Variants in BACH2 observed in about 807,000 individuals in gnomAD.
BACH2 encodes the protein BACH transcriptional regulator 2, also known as transcription regulator protein BACH2.
In BACH2, 5 loss-of-function variants were observed where a neutral mutation model predicts 61.8. The observed-to-expected ratio is 0.08, with a 90% CI of 0.04 to 0.17. The LOEUF is 0.17. Ranked by LOEUF, BACH2 falls within the 10% of genes least tolerant of loss-of-function variation. The probability of loss-of-function intolerance (pLI) is 1.00; values close to 1 mark genes in which losing one functional copy is unlikely to be tolerated. For missense variants in BACH2, 824 were observed against 1,091.1 expected (o/e 0.76, Z 3.45); for synonymous variants, 446 against 440.1 (o/e 1.01, Z -0.17).
chr6:90,013,667 A>G (rs541099461), intron 5 of BACH2, among the ~76,000 whole-genome samples: 12 of 150,824 alleles, frequency 8.0e-5, no homozygotes, highest in African/African-American at 2.7e-4. Flanking sequence ...CCACCATGCC[A>G]GGCTAATTTT....
chr6:90,020,858 T>C (rs1277007421), intron 5 of BACH2, among the ~76,000 whole-genome samples: 1 of 152,136 alleles, frequency 6.6e-6, no homozygotes, highest in Non-Finnish European at 1.5e-5. Context: ...ATGAAATGGT[T>C]TATAGTGAGT....
chr6:90,205,673 C>T (rs1237161490), intron 4 of BACH2, among the ~76,000 whole-genome samples: 1 of 152,186 alleles, frequency 6.6e-6, no homozygotes, highest in Non-Finnish European at 1.5e-5. Flanking sequence ...TGTGCCTAAA[C>T]ACATTCCTTT....
intron 2 of BACH2, among the ~76,000 whole-genome samples, chr6:90,268,266 A>G (rs1408639698): frequency 6.6e-6 from 1 of 152,106 alleles, no homozygotes; most frequent in Non-Finnish European, 1.5e-5. Flanking sequence ...TTGGCCTCCC[A>G]AAGTGCTGGG....
chr6:90,039,811 T>C (rs1202833079), intron 5 of BACH2, among the ~76,000 whole-genome samples: 5 of 152,250 alleles, frequency 3.3e-5, no homozygotes, highest in Non-Finnish European at 7.3e-5. Flanking sequence ...TTAATTTGCA[T>C]TAATTTTTAA....
intron 4 of BACH2, among the ~76,000 whole-genome samples, chr6:90,124,757 C>T (rs1034212015): frequency 6.6e-6 from 1 of 152,172 alleles, no homozygotes; most frequent in African/African-American, 2.4e-5. Context: ...AAGTATCTTT[C>T]TGTTTTGTCA....
At chr6:90,271,371 AAAAAAAAAAAAG>A (rs1771514239) in intron 2 of BACH2, among the ~76,000 whole-genome samples, 1 of 150,608 alleles carries the variant, frequency 6.6e-6, no homozygotes. Context: ...CCATTTAAAA[AAAAAAAAAAAAG>A]AAAAAAGAAA....
At chr6:90,045,457 G>GT (rs1209061062) in intron 5 of BACH2, among the ~76,000 whole-genome samples, 1 of 152,218 alleles carries the variant, frequency 6.6e-6, no homozygotes, top group African/African-American at 2.4e-5. Context: ...ATTAATAAAG[G>GT]TGGGGGGAAG....
intron 7 of BACH2, among the ~76,000 whole-genome samples, chr6:89,949,799 C>A (rs767640909): frequency 6.6e-6 from 1 of 152,106 alleles, no homozygotes; most frequent in Non-Finnish European, 1.5e-5. Context: ...CAAGGAAAAT[C>A]TAAAAGGTGC....
At chr6:90,165,894 T>C (rs1051602924) in intron 4 of BACH2, among the ~76,000 whole-genome samples, 2 of 152,160 alleles carry the variant, frequency 1.3e-5, no homozygotes, top group African/African-American at 4.8e-5. Flanking sequence ...TTACACCTTA[T>C]ACAAAAATTA....
At chr6:90,071,182 C>A (rs769401536) in intron 5 of BACH2, among the ~76,000 whole-genome samples, 2 of 152,200 alleles carry the variant, frequency 1.3e-5, no homozygotes, top group Admixed American at 6.5e-5. Context: ...TGGTATAATA[C>A]TCCTAATGTG....
intron 3 of BACH2, among the ~76,000 whole-genome samples, chr6:90,213,340 CT>C (rs2127852625): frequency 6.6e-6 from 1 of 152,302 alleles, no homozygotes; most frequent in East Asian, 1.9e-4. Flanking sequence ...CATGCTAATA[CT>C]TTGGAAATTT....
Position 90,014,046 on chromosome 6 carries a change from A to C in BACH2, c.-12-5190T>G, listed in dbSNP as rs374228501. 4.6e-5 allele frequency among the ~76,000 whole-genome samples: 7 copies of C among 152,178 alleles called. No homozygotes were observed. The East Asian group carries it at 1.2e-3, about 25-fold the overall frequency. On this transcript the variant is annotated intron_variant, in intron 5 of 8. Transcript: ENST00000257749. The stretch of plus-strand genomic sequence containing the variant: ...CAATCCTCGTACCTTGGTCTCTCAA[A>C]GTGTTGGGATTACAGGTGTAAGCCA...
chr6:90,236,373 G>A (rs1019261113), intron 3 of BACH2, among the ~76,000 whole-genome samples: 35 of 152,188 alleles, frequency 2.3e-4, no homozygotes, highest in Non-Finnish European at 8.8e-5. Context: ...TGCATGGTGG[G>A]ACCCAGAAAG....
At chr6:90,057,601 G>A (rs1780437985) in intron 5 of BACH2, among the ~76,000 whole-genome samples, 1 of 152,084 alleles carries the variant, frequency 6.6e-6, no homozygotes. Context: ...AGAAAAAGAG[G>A]GAATCCTCCC....
At chr6:90,022,150 C>T (rs549421975) in intron 5 of BACH2, among the ~76,000 whole-genome samples, 72 of 152,262 alleles carry the variant, frequency 4.7e-4, no homozygotes, top group African/African-American at 1.7e-3. Context: ...TGTAACAAGT[C>T]CCAATTTTTT....
intron 4 of BACH2, among the ~76,000 whole-genome samples, chr6:90,174,914 T>TA (rs1286045664): frequency 3.8e-4 from 49 of 129,278 alleles, no homozygotes; most frequent in Middle Eastern, 3.9e-3. Context: ...GTAGTAAAAC[T>TA]AAAAAAAAAA....
At chr6:90,270,051 T>C (rs533138417) in intron 2 of BACH2, among the ~76,000 whole-genome samples, 25 of 152,320 alleles carry the variant, frequency 1.6e-4, no homozygotes, top group African/African-American at 5.5e-4. Context: ...TTGCTGTGAA[T>C]GCCATTATTT....
intron 5 of BACH2, among the ~76,000 whole-genome samples, chr6:90,011,401 T>A (rs574657618): frequency 6.6e-6 from 1 of 152,250 alleles, no homozygotes; most frequent in Non-Finnish European, 1.5e-5. Flanking sequence ...TTACTATTTT[T>A]ATGTTTGTCT....
chr6:90,234,750 T>G (rs897019633), intron 3 of BACH2, among the ~76,000 whole-genome samples: 1 of 152,194 alleles, frequency 6.6e-6, no homozygotes, highest in African/African-American at 2.4e-5. Context: ...CATGTTATGG[T>G]TATGATAGCA....
Sources: allele counts gnomAD v4.1 joint callset (sites outside exome capture counted in the v4.1 genomes callset), GRCh38; gene constraint gnomAD v4.1.1; transcripts MANE v1.5; gene names NCBI Gene and HGNC (gene_info 2026-07-23, HGNC 2026-07-21).